WWOX: variants seen among roughly 807,000 people sequenced by gnomAD.
WWOX encodes the protein WW domain-containing oxidoreductase.
WWOX carries 69 observed loss-of-function variants against 46.2 expected under a neutral mutation model. The ratio of observed to expected loss-of-function variants is 1.49; its 90% CI spans 1.23 to 1.82. WWOX has a LOEUF of 1.82. Ranked by LOEUF, WWOX falls within the 40% of genes most tolerant of loss-of-function variation. The probability of loss-of-function intolerance (pLI) is 0.00; values close to 1 mark genes in which losing one functional copy is unlikely to be tolerated. For synonymous variants in WWOX, 359 were observed against 202.6 expected (o/e 1.77, Z -6.56); for missense variants, 919 against 542.6 (o/e 1.69, Z -6.89).
At chr16:79,052,667 G>A (rs1036141181) in intron 8 of WWOX, among the ~76,000 whole-genome samples, 1 of 152,196 alleles carries the variant, frequency 6.6e-6, no homozygotes, top group Non-Finnish European at 1.5e-5. Context: ...GGACACAGCA[G>A]TAGAGTACAC....
At chr16:78,181,110 CA>C (rs2035519453) in intron 5 of WWOX, among the ~76,000 whole-genome samples, 1 of 152,038 alleles carries the variant, frequency 6.6e-6, no homozygotes, top group African/African-American at 2.4e-5. Flanking sequence ...GAGAAAGACA[CA>C]GAGGAGAGAC....
At chr16:78,774,823 C>G (rs1216721777) in intron 8 of WWOX, among the ~76,000 whole-genome samples, 1 of 152,140 alleles carries the variant, frequency 6.6e-6, no homozygotes, top group East Asian at 1.9e-4. Flanking sequence ...AGATCTTGTG[C>G]TTCCTATCAC....
chr16:78,992,477 A>G (rs1277458833), intron 8 of WWOX, among the ~76,000 whole-genome samples: 1 of 152,140 alleles, frequency 6.6e-6, no homozygotes, highest in Non-Finnish European at 1.5e-5. Context: ...AAAAAAACAA[A>G]ACAAAACAAA....
chr16:78,537,614 A>G (rs1206426387), intron 8 of WWOX, among the ~76,000 whole-genome samples: 2 of 152,040 alleles, frequency 1.3e-5, no homozygotes, highest in Admixed American at 1.3e-4. Context: ...AAAGTCATAC[A>G]GATAGGCTCG....
At chr16:78,440,544 G>T (rs937211286) in intron 8 of WWOX, among the ~76,000 whole-genome samples, 3 of 152,042 alleles carry the variant, frequency 2.0e-5, no homozygotes, top group Non-Finnish European at 4.4e-5. Context: ...ATGAGTAAAT[G>T]AAGAGTCCCT....
chr16:78,632,807 C>G (rs1241212823), intron 8 of WWOX, among the ~76,000 whole-genome samples: 3 of 152,008 alleles, frequency 2.0e-5, no homozygotes, highest in African/African-American at 7.2e-5. Context: ...ATCCACCCGC[C>G]TCAGCCTCCC....
At chr16:78,439,534 G>C (rs979993574) in intron 8 of WWOX, among the ~76,000 whole-genome samples, 1 of 152,198 alleles carries the variant, frequency 6.6e-6, no homozygotes, top group Non-Finnish European at 1.5e-5. Context: ...TTAGTCCAGT[G>C]ACCAATGGAT....
chr16:79,059,197 C>G (rs1042379067), intron 8 of WWOX, among the ~76,000 whole-genome samples: 3 of 152,156 alleles, frequency 2.0e-5, no homozygotes, highest in African/African-American at 7.2e-5. Context: ...TGGATTTCAT[C>G]CTAAAACTCC....
chr16:78,449,704 T>C (rs1487881509), intron 8 of WWOX, among the ~76,000 whole-genome samples: 1 of 152,208 alleles, frequency 6.6e-6, no homozygotes, highest in Non-Finnish European at 1.5e-5. Flanking sequence ...AGGTAAGATT[T>C]AGTCATTTAA....
chr16:78,221,364 A>G (rs1327482601), intron 5 of WWOX, among the ~76,000 whole-genome samples: 1 of 152,206 alleles, frequency 6.6e-6, no homozygotes, highest in Non-Finnish European at 1.5e-5. Flanking sequence ...AAAAAGTGTA[A>G]TATAAATACA....
At chr16:78,483,612 A>G (rs1301779659) in intron 8 of WWOX, among the ~76,000 whole-genome samples, 6 of 151,924 alleles carry the variant, frequency 3.9e-5, no homozygotes, top group African/African-American at 1.2e-4. Context: ...GACCCCCTTC[A>G]CATACTTATA....
At chr16:78,138,335 A>G (rs900654401) in intron 4 of WWOX, among the ~76,000 whole-genome samples, 1 of 145,850 alleles carries the variant, frequency 6.9e-6, no homozygotes, top group African/African-American at 2.5e-5. Context: ...TATTTAAAAC[A>G]TGTAACTGAT....
At chr16:79,026,666 G>T (rs1278516663) in intron 8 of WWOX, among the ~76,000 whole-genome samples, 1 of 135,256 alleles carries the variant, frequency 7.4e-6, no homozygotes, top group African/African-American at 2.9e-5. Context: ...CGCCTAGGCT[G>T]CAGTGCAGTG....
At chr16:78,825,474 A>G (rs532932390) in intron 8 of WWOX, 7 of 441,048 alleles carry the variant, frequency 1.6e-5, no homozygotes, top group South Asian at 5.3e-5. Flanking sequence ...ACAGCCAGGG[A>G]TTCTGGAATT....
intron 8 of WWOX, among the ~76,000 whole-genome samples, chr16:79,031,996 T>G (rs1460538020): frequency 6.9e-6 from 1 of 144,472 alleles, no homozygotes; most frequent in African/African-American, 2.5e-5. Flanking sequence ...CTTTTTATTT[T>G]GGGCTGTTAT....
At chr16:78,370,843 CTTGT>C (rs145214769) in intron 5 of WWOX, among the ~76,000 whole-genome samples, 3,991 of 137,632 alleles carry the variant, frequency 0.029, 153 homozygotes, top group African/African-American at 0.094. Context: ...TCAGCCTATT[CTTGT>C]TTGTTTTTGT....
At chr16:78,631,694 C>G (rs1330328018) in intron 8 of WWOX, among the ~76,000 whole-genome samples, 1 of 151,986 alleles carries the variant, frequency 6.6e-6, no homozygotes, top group Admixed American at 6.6e-5. Flanking sequence ...GCCACCGTGC[C>G]TGGCTATTTT....
Position 78,632,805 on chromosome 16 carries a change from G to T in WWOX, c.1056+200053G>T, listed in dbSNP as rs570546683. ...ACTCCTGACCTCAGGTGATCCACCC[G>T]CCTCAGCCTCCCACAGTGCTGGGGT... On this transcript the variant is annotated intron_variant, in intron 8 of 8. Coordinates refer to ENST00000566780, the MANE Select transcript of WWOX (RefSeq NM_016373.4). Among the ~76,000 whole-genome samples, 331 of 151,922 alleles carry T rather than the reference G, an allele frequency of 2.2e-3. 1 individual carries two copies. The highest frequency in any genetic ancestry group is 7.7e-3 in the African/African-American group (320 of 41,456).
intron 5 of WWOX, among the ~76,000 whole-genome samples, chr16:78,295,672 C>G (rs929982166): frequency 6.6e-6 from 1 of 152,174 alleles, no homozygotes; most frequent in East Asian, 1.9e-4. Context: ...GATCGCACCA[C>G]TGGACTCCGG....
Sources: gnomAD v4.1 joint callset for allele counts (sites outside exome capture counted in the v4.1 genomes callset) on GRCh38, gnomAD v4.1.1 for gene constraint, MANE v1.5 for transcripts, NCBI Gene and HGNC (gene_info 2026-07-23, HGNC 2026-07-21) for gene names.